Variants in CNNM1 observed in about 807,000 individuals in gnomAD.
CNNM1 encodes the protein metal transporter CNNM1.
CNNM1 carries 44 observed loss-of-function variants against 78.8 expected under a neutral mutation model. The ratio of observed to expected loss-of-function variants is 0.56; its 90% confidence interval spans 0.44 to 0.72. The LOEUF is 0.72. CNNM1 is among the 30% of genes least tolerant of loss of function. The pLI is 0.00. For missense variants in CNNM1, 1,101 were observed against 1,292.2 expected (o/e 0.85, Z 2.27); for synonymous variants, 584 against 581.5 (o/e 1.00, Z -0.06).
At chr10:99,347,901 C>CT (rs2030770356) in intron 1 of CNNM1, among the ~76,000 whole-genome samples, 1 of 146,604 alleles carries the variant, frequency 6.8e-6, no homozygotes, top group African/African-American at 2.7e-5. Context: ...GAGTTCATCC[C>CT]CGTCTCCCTT....
intron 1 of CNNM1, among the ~76,000 whole-genome samples, chr10:99,349,121 A>G (rs1442140390): frequency 6.6e-6 from 1 of 152,184 alleles, no homozygotes; most frequent in Non-Finnish European, 1.5e-5. Context: ...TTCTCAGTAA[A>G]GAGGTGATTG....
chr10:99,359,392 A>G (rs1339171791), intron 2 of CNNM1, among the ~76,000 whole-genome samples: 2 of 152,172 alleles, frequency 1.3e-5, no homozygotes, highest in African/African-American at 4.8e-5. Flanking sequence ...CTTTCTACCT[A>G]TAAATAGCTG....
intron 1 of CNNM1, among the ~76,000 whole-genome samples, chr10:99,343,565 G>A (rs563814439): frequency 6.6e-6 from 1 of 152,298 alleles, no homozygotes; most frequent in South Asian, 2.1e-4. Flanking sequence ...GAACTCACAT[G>A]TCTGACTTGC....
rs147004520 is a variant in CNNM1 at position 99,357,539 on chromosome 10, G to A, written c.1601G>A (p.Arg534Gln). 46 of 1,613,498 alleles carry A rather than the reference G, an allele frequency of 2.9e-5. No homozygotes were observed. Among genetic ancestry groups the A allele is most frequent in the South Asian group, 5.5e-5 (5 of 91,016 alleles). Residue 534 changes from arginine to glutamine, a missense_variant, in exon 2 of 11, where the codon CGG becomes CAG. Coordinates refer to ENST00000356713, the MANE Select transcript of CNNM1 (RefSeq NM_020348.3). The stretch of plus-strand genomic sequence containing the variant: ...AAATCTCACCTGGCCATTGTCCAGC[G>A]GGTGAATAATGAGGGAGAAGGGGAC... The part of the protein sequence containing the change: ...KGKSHLAIVQ[R>Q]VNNEGEGDPF...
chr10:99,387,501 G>A (rs1238268386), intron 7 of CNNM1, among the ~76,000 whole-genome samples: 1 of 152,134 alleles, frequency 6.6e-6, no homozygotes, highest in Non-Finnish European at 1.5e-5. Context: ...AGTATAAATG[G>A]GTGTTTTAAA....
At chr10:99,356,948 T>C (rs1308698778) in intron 1 of CNNM1, among the ~76,000 whole-genome samples, 3 of 152,184 alleles carry the variant, frequency 2.0e-5, no homozygotes, top group South Asian at 2.1e-4. Context: ...TCTCTTTTGG[T>C]TGAAGTAGTC....
At chr10:99,348,098 A>G (rs1033796702) in intron 1 of CNNM1, among the ~76,000 whole-genome samples, 1 of 149,588 alleles carries the variant, frequency 6.7e-6, no homozygotes, top group Non-Finnish European at 1.5e-5. Flanking sequence ...GCTGGTGTGC[A>G]TTGGTGCAAT....
At chr10:99,361,442 A>C (rs2031431482) in intron 3 of CNNM1, among the ~76,000 whole-genome samples, 1 of 152,176 alleles carries the variant, frequency 6.6e-6, no homozygotes, top group Non-Finnish European at 1.5e-5. Context: ...GAAGAAGATA[A>C]AGTTTGTCTT....
chr10:99,368,490 G>A (rs572689142), intron 6 of CNNM1: 195 of 420,864 alleles, frequency 4.6e-4, no homozygotes, highest in Non-Finnish European at 7.0e-4. Context: ...ATTCCTTTTT[G>A]CAGAGAAATG....
chr10:99,350,316 T>G (rs2134032178), intron 1 of CNNM1, among the ~76,000 whole-genome samples: 1 of 152,354 alleles, frequency 6.6e-6, no homozygotes, highest in East Asian at 1.9e-4. Flanking sequence ...CATAAAACCA[T>G]AAAACGATTT....
In CNNM1 at chr10:99,390,427, C is replaced by G. The variant is rs373978581; in HGVS notation, c.2776+20C>G. On this transcript the variant is annotated intron_variant, in intron 10 of 10. Transcript: ENST00000356713. The stretch of plus-strand genomic sequence containing the variant: ...CCTTGAGTGAGTAGCTAGTTCTTCA[C>G]CCAAATGAGAGCCACCCTGCTGATG... 6.4e-7 allele frequency: 1 copy of G among 1,568,276 alleles called. No individual in the cohort carries two copies. The highest frequency in any genetic ancestry group is 8.8e-7 in the Non-Finnish European group (1 of 1,142,590).
intron 7 of CNNM1, among the ~76,000 whole-genome samples, chr10:99,382,168 G>A (rs2032182724): frequency 6.6e-6 from 1 of 152,162 alleles, no homozygotes; most frequent in Non-Finnish European, 1.5e-5. Context: ...ATTAAGTCCA[G>A]GAGTAATTGA....
At chr10:99,363,284 A>G (rs1413539515) in intron 4 of CNNM1, among the ~76,000 whole-genome samples, 2 of 152,218 alleles carry the variant, frequency 1.3e-5, no homozygotes, top group Non-Finnish European at 2.9e-5. Flanking sequence ...AAATGGTCTG[A>G]ACAAAATGAC....
chr10:99,383,714 G>C (rs560425929), intron 7 of CNNM1, among the ~76,000 whole-genome samples: 162 of 152,334 alleles, frequency 1.1e-3, no homozygotes, highest in African/African-American at 3.8e-3. Flanking sequence ...ACTGGGTAGA[G>C]AGAGAAGCTG....
At position 99,377,115 on chromosome 10, in the gene CNNM1, G is replaced by A. The variant is rs376167604; in HGVS notation, c.2237G>A (p.Arg746His). The change falls in exon 7 of 11, where the codon CGC (arginine) becomes CAC (histidine). Residue 746 changes from arginine (R) to histidine (H), a missense_variant. By Grantham distance (29) the Arg-to-His change is conservative. This residue lies in a region of CNNM1 where 348 missense variants were observed against 384.5 expected (regional missense o/e 0.90). Transcript: ENST00000356713. ...LNRSESPNRE[R>H]SDFGGSNTQL... is the part of the protein sequence containing the mutation. ...CGCTCTGAGTCTCCAAACCGAGAGC[G>A]CAGTGACTTTGGGGGCAGCAACACC... is the stretch of plus-strand genomic sequence containing the variant. 10 of 1,607,506 alleles carry A rather than the reference G, an allele frequency of 6.2e-6. No homozygotes were observed. Among genetic ancestry groups the A allele is most frequent in the East Asian group, 2.2e-5 (1 of 44,686 alleles).
intron 6 of CNNM1, among the ~76,000 whole-genome samples, chr10:99,375,621 A>G (rs1160444052): frequency 1.3e-5 from 2 of 152,268 alleles, no homozygotes; most frequent in Non-Finnish European, 2.9e-5. Context: ...GCCAGACAAC[A>G]GCTTGGCAGC....
At chr10:99,357,817 T>C (rs2031276236) in intron 2 of CNNM1, among the ~76,000 whole-genome samples, 162 bp downstream of exon 2, 1 of 152,170 alleles carries the variant, frequency 6.6e-6, no homozygotes, top group South Asian at 2.1e-4. Flanking sequence ...GATACCCTAG[T>C]TGGAATCACT....
chr10:99,338,679 CAT>C (rs2030306524), intron 1 of CNNM1, among the ~76,000 whole-genome samples: 1 of 151,964 alleles, frequency 6.6e-6, no homozygotes, highest in Non-Finnish European at 1.5e-5. Context: ...GTATGAAAAT[CAT>C]ATGAGGATAA....
chr10:99,347,189 T>C (rs2030731366), intron 1 of CNNM1, among the ~76,000 whole-genome samples: 1 of 144,884 alleles, frequency 6.9e-6, no homozygotes, highest in African/African-American at 2.7e-5. Context: ...AAATAAAAGT[T>C]AAAAGAAAAA....
Sources: gnomAD v4.1 joint callset for allele counts (sites outside exome capture counted in the v4.1 genomes callset) on GRCh38, gnomAD v4.1.1 for gene constraint, gnomAD v4.1.1 regional missense constraint, MANE v1.5 for transcripts, NCBI Gene and HGNC (gene_info 2026-07-23, HGNC 2026-07-21) for gene names.